The following SPAG9 variants were observed in gnomAD, a reference collection of about 807,000 sequenced individuals.
SPAG9 encodes sperm associated antigen 9.
SPAG9 carries 35 observed loss-of-function variants against 166.5 expected under a neutral mutation model. The observed-to-expected ratio is 0.21, with a 90% CI of 0.16 to 0.28. The LOEUF is 0.28. Ranked by LOEUF, SPAG9 falls within the 10% of genes least tolerant of loss-of-function variation. The probability of loss-of-function intolerance (pLI) is 1.00; values close to 1 mark genes in which losing one functional copy is unlikely to be tolerated. For missense variants in SPAG9, 1,235 were observed against 1,603.3 expected (o/e 0.77, Z 3.92); for synonymous variants, 534 against 565.5 (o/e 0.94, Z 0.79).
chr17:51,039,754 G>C (rs948530224), intron 5 of SPAG9, among the ~76,000 whole-genome samples: 1 of 152,118 alleles, frequency 6.6e-6, no homozygotes, highest in Non-Finnish European at 1.5e-5. Context: ...CTCTTAAGGC[G>C]CACTTTTGGG....
intron 2 of SPAG9, among the ~76,000 whole-genome samples, chr17:51,077,029 T>TATCTAGCTAGCTAGCTATCTAGCTAG (rs2048008868): frequency 1.5e-5 from 1 of 65,274 alleles, no homozygotes; most frequent in African/African-American, 5.6e-5. Context: ...TATCTAGCTA[T>TATCTAGCTAGCTAGCTATCTAGCTAG]CTATCTAGCT....
chr17:51,076,934 G>A (rs1429152230), intron 2 of SPAG9, among the ~76,000 whole-genome samples: 2 of 151,510 alleles, frequency 1.3e-5, no homozygotes, highest in African/African-American at 2.4e-5. Context: ...CCAGAAGTGC[G>A]AGACCAGCCT....
intron 5 of SPAG9, among the ~76,000 whole-genome samples, chr17:51,032,772 T>C (rs941291943): frequency 6.6e-6 from 1 of 151,916 alleles, no homozygotes; most frequent in African/African-American, 2.4e-5. Flanking sequence ...TTGTCTCTAC[T>C]AAAAATACAA....
intron 3 of SPAG9, among the ~76,000 whole-genome samples, chr17:51,053,811 C>T (rs2047248390): frequency 7.7e-6 from 1 of 129,092 alleles, no homozygotes; most frequent in South Asian, 2.4e-4. Context: ...GCACTCCAGC[C>T]TGGGAAACAG....
intron 4 of SPAG9, among the ~76,000 whole-genome samples, chr17:51,042,271 G>T (rs1568033213): frequency 6.6e-6 from 1 of 152,120 alleles, no homozygotes; most frequent in Non-Finnish European, 1.5e-5. Context: ...ACCATTGTCG[G>T]TTTTTTCCAA....
At chr17:51,098,496 T>G (rs907859463) in intron 1 of SPAG9, among the ~76,000 whole-genome samples, 5 of 151,694 alleles carry the variant, frequency 3.3e-5, no homozygotes, top group African/African-American at 4.9e-5. Context: ...TTTTACTTAT[T>G]TATTTATTTA....
intron 1 of SPAG9, among the ~76,000 whole-genome samples, chr17:51,100,876 C>T (rs918195509): frequency 9.9e-5 from 15 of 150,998 alleles, no homozygotes; most frequent in Admixed American, 7.3e-4. Flanking sequence ...GCCAAGATTG[C>T]GCCATTGTAC....
In SPAG9 at chr17:51,018,732, C is replaced by T. The variant is rs371436099; in HGVS notation, c.1091+1427G>A. Among the ~76,000 whole-genome samples, 89 of 152,212 alleles carry T rather than the reference C, an allele frequency of 5.8e-4. 1 individual carries two copies. The South Asian group carries it at 0.016, about 27-fold the overall frequency. On this transcript the variant is annotated intron_variant, in intron 8 of 29. Coordinates refer to ENST00000262013, the MANE Select transcript of SPAG9 (RefSeq NM_001130528.3). ...AAGCCCCAGTCAGGAGGGGGCTGGA[C>T]TGAAGTGTCCGGCAGGCTGGAGTAC... is the stretch of plus-strand genomic sequence containing the variant.
chr17:51,096,043 A>G (rs2144714551), intron 1 of SPAG9, among the ~76,000 whole-genome samples: 1 of 144,196 alleles, frequency 6.9e-6, no homozygotes, highest in East Asian at 2.0e-4. Flanking sequence ...ATAGTGATAT[A>G]TATATATAGT....
intron 29 of SPAG9, 51 bp from the exon 30 acceptor site, chr17:50,966,438 A>C: frequency 8.9e-7 from 1 of 1,121,050 alleles, no homozygotes; most frequent in South Asian, 1.2e-5. Context: ...AAAATATAGA[A>C]TGATGTGAGT....
In SPAG9 at chr17:50,979,633, C is replaced by A. The variant is rs1011780752; in HGVS notation, c.3409+113G>T. 3.1e-6 allele frequency: 3 copies of A among 981,144 alleles called. No individual in the cohort carries two copies. The African/African-American group carries it at 4.8e-5, about 16-fold the overall frequency. 60.8% of individuals were successfully genotyped at this position (981,144 alleles called of 1,614,324 possible). ...GTGCTATGACTGCACCTGTGCATAG[C>A]CACTGCACTCCATCCTGGGCAACAA... is the stretch of plus-strand genomic sequence containing the variant. On this transcript the variant is annotated intron_variant, in intron 26 of 29. Transcript: ENST00000262013.
chr17:51,090,790 A>G (rs2144687202), intron 1 of SPAG9, among the ~76,000 whole-genome samples: 1 of 152,330 alleles, frequency 6.6e-6, no homozygotes, highest in East Asian at 1.9e-4. Flanking sequence ...CCAACATAGG[A>G]TAACAGCACA....
intron 2 of SPAG9, among the ~76,000 whole-genome samples, chr17:51,067,030 T>C (rs1005652249): frequency 2.8e-4 from 43 of 152,240 alleles, no homozygotes; most frequent in African/African-American, 1.0e-3. Context: ...TTTCATGTTT[T>C]CTTTACATAT....
chr17:50,987,649 G>T (rs1244704989), intron 21 of SPAG9, among the ~76,000 whole-genome samples: 2 of 152,052 alleles, frequency 1.3e-5, no homozygotes, highest in African/African-American at 4.8e-5. Flanking sequence ...AAGATAATAA[G>T]ACATGGTAAT....
At chr17:50,998,397 C>T (rs1477342923) in intron 15 of SPAG9, 47 bp downstream of exon 15, 1 of 1,520,410 alleles carries the variant, frequency 6.6e-7, no homozygotes, top group Non-Finnish European at 9.1e-7. Flanking sequence ...ATATTCTGAA[C>T]CACTAACTTA....
chr17:50,994,231 G>C (rs1404486424), intron 18 of SPAG9, among the ~76,000 whole-genome samples: 3 of 152,086 alleles, frequency 2.0e-5, no homozygotes, highest in Admixed American at 1.3e-4. Flanking sequence ...CACGAGATCT[G>C]ATGGGTTTAT....
intron 3 of SPAG9, among the ~76,000 whole-genome samples, chr17:51,053,889 ATATATATAT>A (rs2047276901): frequency 1.5e-4 from 17 of 116,026 alleles, no homozygotes; most frequent in African/African-American, 3.1e-4. Flanking sequence ...ATATATATAT[ATATATATAT>A]AAAACATATA....
chr17:51,024,917 G>C (rs906908129), intron 6 of SPAG9, among the ~76,000 whole-genome samples: 2 of 151,522 alleles, frequency 1.3e-5, no homozygotes, highest in African/African-American at 4.9e-5. Flanking sequence ...AATAAAAAAG[G>C]CTGAGGCAGG....
intron 26 of SPAG9, among the ~76,000 whole-genome samples, chr17:50,978,358 A>G (rs896725397): frequency 1.3e-5 from 2 of 152,238 alleles, no homozygotes; most frequent in Non-Finnish European, 2.9e-5. Flanking sequence ...GAAGGTACAT[A>G]GCTAGAAATA....
Sources: gnomAD v4.1 joint callset for allele counts (sites outside exome capture counted in the v4.1 genomes callset) on GRCh38, gnomAD v4.1.1 for gene constraint, MANE v1.5 for transcripts, NCBI Gene and HGNC (gene_info 2026-07-23, HGNC 2026-07-21) for gene names.